HERC3: variants seen among roughly 807,000 people sequenced by gnomAD.
HERC3 encodes the protein probable E3 ubiquitin-protein ligase HERC3.
Under a neutral mutation model 129.9 loss-of-function variants are expected in HERC3, and 58 were observed. The ratio of observed to expected loss-of-function variants is 0.45; its 90% CI spans 0.36 to 0.56. The LOEUF (loss-of-function observed/expected upper bound fraction) is 0.56. Ranked by LOEUF, HERC3 falls within the 20% of genes least tolerant of loss-of-function variation. The pLI is 0.00. For missense variants in HERC3, 835 were observed against 1,244.2 expected, an observed-to-expected ratio of 0.67 and a Z score of 4.95; for synonymous variants, 430 against 451.0, an observed-to-expected ratio of 0.95 and a Z score of 0.59.
chr4:88,669,816 C>G (rs779959470), intron 14 of HERC3, 44 bp from the exon 15 acceptor site: 1 of 1,540,810 alleles, frequency 6.5e-7, no homozygotes, highest in Non-Finnish European at 8.9e-7. Context: ...TAAATACTTG[C>G]CCAAGATTAC....
chr4:88,643,279 C>A (rs912492340), intron 3 of HERC3, among the ~76,000 whole-genome samples: 2 of 152,136 alleles, frequency 1.3e-5, no homozygotes, highest in African/African-American at 4.8e-5. Flanking sequence ...GATTAAGGCC[C>A]TTAACGTATT....
At chr4:88,599,141 G>T (rs1722716556) in intron 2 of HERC3, among the ~76,000 whole-genome samples, 2 of 152,178 alleles carry the variant, frequency 1.3e-5, no homozygotes, top group African/African-American at 4.8e-5. Flanking sequence ...TTAAAGTCAT[G>T]GACATCAGCA....
chr4:88,594,254 G>C (rs1283262572), intron 1 of HERC3, among the ~76,000 whole-genome samples: 2 of 152,278 alleles, frequency 1.3e-5, no homozygotes, highest in African/African-American at 4.8e-5. Context: ...AGATTTGTAT[G>C]ACCAATTAAA....
At chr4:88,562,589 T>G in the HERC3 span, among the ~76,000 whole-genome samples, 1 of 152,236 alleles carries the variant, frequency 6.6e-6, no homozygotes, top group African/African-American at 2.4e-5. Context: ...ACCAATGTCC[T>G]GGAGAGTTTT....
rs543000384 is a variant in HERC3, at chr4:88,680,161, A to G, written c.2265A>G (p.Leu755=). The change falls in exon 20 of 26, where the codon TTA becomes TTG. Residue 755 remains leucine (L), a synonymous_variant. Coordinates refer to ENST00000402738, the MANE Select transcript of HERC3 (RefSeq NM_014606.3). ...GVTKEFFLLL[L]KELLNPIYGM... Reference sequence around the variant, plus strand: ...CAAAGGAATTTTTTCTTTTGCTGTTAAAAGAACTTTTGAATCCCATCTATG... The same window carrying G: ...CAAAGGAATTTTTTCTTTTGCTGTTGAAAGAACTTTTGAATCCCATCTATG... The G allele has an allele frequency of 1.9e-6, 3 of 1,613,382 alleles. No homozygotes were observed. The highest frequency in any genetic ancestry group is 1.3e-5 in the African/African-American group (1 of 75,020).
the HERC3 span, among the ~76,000 whole-genome samples, chr4:88,568,880 C>T: frequency 6.6e-6 from 1 of 151,768 alleles, no homozygotes; most frequent in Non-Finnish European, 1.5e-5. Flanking sequence ...TCTCCTCAAG[C>T]AGAAAGAAGG....
At chr4:88,615,992 T>C (rs1724859311) in intron 3 of HERC3, among the ~76,000 whole-genome samples, 1 of 152,204 alleles carries the variant, frequency 6.6e-6, no homozygotes, top group Non-Finnish European at 1.5e-5. Context: ...AGTTTCTAGA[T>C]GTATACAAAC....
the HERC3 span, among the ~76,000 whole-genome samples, chr4:88,586,479 C>A: frequency 1.1e-4 from 16 of 151,920 alleles, no homozygotes; most frequent in Admixed American, 2.6e-4. Context: ...CTGCCTCAGC[C>A]TCCTGAGTAG....
chr4:88,549,331 A>C, the HERC3 span, among the ~76,000 whole-genome samples: 5 of 151,610 alleles, frequency 3.3e-5, no homozygotes, highest in Admixed American at 6.6e-5. Context: ...AAAAAAAAAA[A>C]CAGCATTTTA....
the HERC3 span, among the ~76,000 whole-genome samples, chr4:88,581,636 G>C: frequency 1.3e-5 from 2 of 151,872 alleles, no homozygotes; most frequent in East Asian, 1.9e-4. Context: ...AAAAATAATA[G>C]AGACAGGGTC....
chr4:88,597,398 G>A (rs1722517413), intron 2 of HERC3, among the ~76,000 whole-genome samples: 1 of 152,120 alleles, frequency 6.6e-6, no homozygotes, highest in Admixed American at 6.5e-5. Context: ...CCATTTATTA[G>A]TATAGTACAG....
intron 3 of HERC3, among the ~76,000 whole-genome samples, chr4:88,613,914 G>A (rs1724622452): frequency 6.6e-6 from 1 of 151,862 alleles, no homozygotes; most frequent in East Asian, 1.9e-4. Flanking sequence ...TAAGGATCAG[G>A]AGAAACTGTC....
the HERC3 span, among the ~76,000 whole-genome samples, chr4:88,528,847 G>A: frequency 1.3e-5 from 2 of 151,940 alleles, no homozygotes; most frequent in Admixed American, 6.5e-5. Context: ...ATCAGCTAAG[G>A]TTTTGTTAAT....
chr4:88,554,310 A>C, the HERC3 span, among the ~76,000 whole-genome samples: 1 of 144,640 alleles, frequency 6.9e-6, no homozygotes, highest in Non-Finnish European at 1.5e-5. Flanking sequence ...GCACCACTGC[A>C]CTCCAGCCTG....
chr4:88,526,717 G>A, the HERC3 span, among the ~76,000 whole-genome samples: 1 of 151,940 alleles, frequency 6.6e-6, no homozygotes, highest in African/African-American at 2.4e-5. Flanking sequence ...TGTATTTTTT[G>A]TAGAGATGGT....
chr4:88,690,519 C>T (rs1414508691), intron 23 of HERC3: 1 of 985,196 alleles, frequency 1.0e-6, no homozygotes, highest in African/African-American at 1.7e-5. Context: ...GATAGGCAAG[C>T]ATCCTGAGGA....
chr4:88,595,868 T>TTTTTTTTTA (rs1722319173), intron 2 of HERC3, among the ~76,000 whole-genome samples: 1 of 118,368 alleles, frequency 8.4e-6, no homozygotes. Flanking sequence ...TTTTTTTTTT[T>TTTTTTTTTA]GAGAGGGAGT....
the HERC3 span, among the ~76,000 whole-genome samples, chr4:88,581,459 G>A: frequency 7.5e-6 from 1 of 134,178 alleles, no homozygotes; most frequent in South Asian, 2.4e-4. Context: ...GACCATGCCT[G>A]GCTAAATTTT....
At chr4:88,556,077 T>C in the HERC3 span, among the ~76,000 whole-genome samples, 5 of 152,338 alleles carry the variant, frequency 3.3e-5, no homozygotes, top group Admixed American at 6.5e-5. Context: ...CTCACATTTA[T>C]TTTGCTTTGT....
Sources: gnomAD v4.1 joint callset for allele counts (sites outside exome capture counted in the v4.1 genomes callset) on GRCh38, gnomAD v4.1.1 for gene constraint, MANE v1.5 for transcripts, NCBI Gene and HGNC (gene_info 2026-07-23, HGNC 2026-07-21) for gene names.